The following ADAMTSL4 variants were observed in gnomAD, a reference collection of about 807,000 sequenced individuals.
ADAMTSL4 encodes the protein ADAMTS-like protein 4.
A neutral mutation model predicts 122.8 loss-of-function variants in ADAMTSL4; 97 were observed. That is an observed-to-expected ratio of 0.79 (90% CI 0.67 to 0.93). The LOEUF (loss-of-function observed/expected upper bound fraction) is 0.93. Ranked by LOEUF, ADAMTSL4 falls within the 40% of genes least tolerant of loss-of-function variation. The pLI, the probability that ADAMTSL4 is intolerant of heterozygous loss-of-function variation, is 0.00. For synonymous variants in ADAMTSL4, 592 were observed against 568.0 expected, an observed-to-expected ratio of 1.04 and a Z score of -0.60; for missense variants, 1,408 against 1,453.5, an observed-to-expected ratio of 0.97 and a Z score of 0.51.
chr1:150,553,217 G>A lies in ADAMTSL4; in HGVS notation c.398G>A (p.Gly133Glu), dbSNP rs1671619155. 1 of 1,608,282 alleles carries A rather than the reference G, an allele frequency of 6.2e-7. No individual in the cohort carries two copies. The highest frequency in any genetic ancestry group is 1.3e-5 in the African/African-American group (1 of 74,854). ...CTTCGAGGTCCCGCTTCCCACCTAGGGAGAGAGGAGACCCAGGAGATTCGA... is the reference window on the plus strand; with the variant it reads ...CTTCGAGGTCCCGCTTCCCACCTAGAGAGAGAGGAGACCCAGGAGATTCGA... ...GPLRGPASHLGREETQEIRAA... is the reference protein window; with the variant it reads ...GPLRGPASHLEREETQEIRAA... The change falls in exon 5 of 19, where the codon GGG becomes GAG. Residue 133 changes from glycine (G) to glutamate (E), a missense_variant. By Grantham distance (98) the Gly-to-Glu change is moderately conservative. Transcript: ENST00000271643.
chr1:150,558,813 G>A (rs587654159), intron 15 of ADAMTSL4, 149 bp from the exon 16 acceptor site: 93 of 1,541,598 alleles, frequency 6.0e-5, no homozygotes, highest in African/African-American at 2.5e-4. Flanking sequence ...TGAGGGGCCC[G>A]GCTAGGATTC....
chr1:150,553,910 C>G lies in ADAMTSL4; in HGVS notation c.919C>G (p.Arg307Gly). ...CCCTGATCCTTTTCCTTCGGTCCCT[C>G]GGGGCCGAGGCCAGCAGGGCCAAGG... ...RRPDPFPSVP[R>G]GRGQQGQGPW... is the part of the protein sequence containing the mutation. The change falls in exon 6 of 19, where the codon CGG becomes GGG. Residue 307 changes from arginine (R) to glycine (G), a missense_variant. Transcript: ENST00000271643. 1 of 1,612,292 alleles carries G rather than the reference C, an allele frequency of 6.2e-7. No homozygotes were observed. Among genetic ancestry groups the G allele is most frequent in the Non-Finnish European group, 8.5e-7 (1 of 1,179,398 alleles).
chr1:150,552,060 A>G lies in ADAMTSL4; in HGVS notation c.-84-145A>G. 1.7e-6 allele frequency: 1 copy of G among 591,210 alleles called. No homozygotes were observed. The highest frequency in any genetic ancestry group is 3.0e-6 in the Non-Finnish European group (1 of 329,452). 36.6% of individuals were successfully genotyped at this position (591,210 alleles called of 1,614,324 possible). A position where few individuals can be genotyped will look rare whatever the true frequency, so the allele number is the denominator to read the frequency against. The stretch of plus-strand genomic sequence containing the variant: ...ACCATGTAGCCTCTACAGATGGACA[A>G]GGCAGTGATCCTCCCTGCTCCCACC... On this transcript the variant is annotated intron_variant, in intron 2 of 18. Transcript: ENST00000271643. The surrounding 1 kb of genome is among the most constrained non-coding windows in gnomAD (Gnocchi z 4.0).
rs1265215798 is a variant in ADAMTSL4 at position 150,559,015 on chromosome 1, G to C, written c.2613G>C (p.Gly871=). 6.2e-7 allele frequency: 1 copy of C among 1,611,954 alleles called. No individual in the cohort carries two copies. Reference sequence around the variant, plus strand: ...AGCGGCGCTCTGTGGTCTGCCTTGGGAGTGGGGCAGCCCTCGGGCCAGGCC... The same window carrying C: ...AGCGGCGCTCTGTGGTCTGCCTTGGCAGTGGGGCAGCCCTCGGGCCAGGCC... ...GIQRRSVVCL[G]SGAALGPGQG... The change falls in exon 16 of 19, where the codon GGG becomes GGC. Residue 871 remains glycine (G), a synonymous_variant. Coordinates refer to ENST00000271643, the MANE Select transcript of ADAMTSL4 (RefSeq NM_019032.6). This position sits in a 1 kb window ranked among gnomAD's most constrained non-coding sequence, Gnocchi z 4.1.
rs1570934834 is a variant in ADAMTSL4 at position 150,554,664 on chromosome 1, G to C, written c.1234+197G>C. 1 of 1,535,840 alleles carries C rather than the reference G, an allele frequency of 6.5e-7. No homozygotes were observed. Among genetic ancestry groups the C allele is most frequent in the African/African-American group, 1.4e-5 (1 of 72,426 alleles). On this transcript the variant is annotated intron_variant, in intron 7 of 18. Coordinates refer to ENST00000271643, the MANE Select transcript of ADAMTSL4 (RefSeq NM_019032.6). The surrounding 1 kb of genome is among the most constrained non-coding windows in gnomAD (Gnocchi z 4.0). ...GTGGTCTGCAGAAGGGTCGGGGTGGGAGGAGGAGGTGTGGGAGACACGCTT... is the reference window on the plus strand; with the variant it reads ...GTGGTCTGCAGAAGGGTCGGGGTGGCAGGAGGAGGTGTGGGAGACACGCTT...
In ADAMTSL4 at chr1:150,554,315, T is replaced by C. The variant is rs752928902; in HGVS notation, c.1132-50T>C. On this transcript the variant is annotated intron_variant, in intron 6 of 18. Transcript: ENST00000271643. The surrounding 1 kb of genome is among the most constrained non-coding windows in gnomAD (Gnocchi z 4.0). ...TGCTCCCCAGGTTCAGCCCTGCCCC[T>C]ACCCTCATTTTGCTCCCCAGCTCTG... The C allele has an allele frequency of 5.7e-6, 9 of 1,574,406 alleles. 1 individual carries two copies. In the South Asian group the frequency reaches 1.0e-4, roughly 17 times the overall value.
rs767301107 is a variant in ADAMTSL4, at chr1:150,559,876, G to A, written c.3059G>A (p.Cys1020Tyr). ...CTGCGGCCCTCCAGGAAGCGCCCCT[G>A]TAACAGCCAACCCTGCAGCCAGCGC... ...PQLRPSRKRP[C>Y]NSQPCSQRPD... Residue 1020 changes from cysteine to tyrosine, a missense_variant, in exon 18 of 19, where the codon TGT becomes TAT. Transcript: ENST00000271643. This position sits in a 1 kb window ranked among gnomAD's most constrained non-coding sequence, Gnocchi z 4.1. The A allele has an allele frequency of 1.2e-5, 19 of 1,613,964 alleles. No individual in the cohort carries two copies. Among genetic ancestry groups the A allele is most frequent in the South Asian group, 5.5e-5 (5 of 91,084 alleles).
rs79229388 is a variant in ADAMTSL4, at chr1:150,556,514, G to A, written c.1577-107G>A. On this transcript the variant is annotated intron_variant, in intron 9 of 18. Transcript: ENST00000271643. This position sits in a 1 kb window ranked among gnomAD's most constrained non-coding sequence, Gnocchi z 4.1. ...GAGTGAGGAAGCTGAGAGGGCTTGG[G>A]GGGATCTTAGGTTCTGGTGGGAGCT... is the stretch of plus-strand genomic sequence containing the variant. 4.4e-4 allele frequency: 701 copies of A among 1,576,762 alleles called. 2 individuals are homozygous for A. The African/African-American group carries it at 7.8e-3, about 17-fold the overall frequency.
chr1:150,553,161 C>T lies in ADAMTSL4; in HGVS notation c.342C>T (p.Tyr114=). The T allele has an allele frequency of 8.7e-6, 14 of 1,612,468 alleles. No individual in the cohort carries two copies. Among genetic ancestry groups the T allele is most frequent in the Non-Finnish European group, 1.2e-5 (14 of 1,179,352 alleles). Residue 114 remains tyrosine, a synonymous_variant, in exon 5 of 19, where the codon TAC becomes TAT. Coordinates refer to ENST00000271643, the MANE Select transcript of ADAMTSL4 (RefSeq NM_019032.6). Reference sequence around the variant, plus strand: ...CTTCTCCAGAAACCCTCCCCTTGTACAGGACACAGTCTCGGGGAAGGGGTG... The same window carrying T: ...CTTCTCCAGAAACCCTCCCCTTGTATAGGACACAGTCTCGGGGAAGGGGTG... The part of the protein sequence containing the change: ...PQTSPETLPL[Y]RTQSRGRGGP...
At position 150,557,603 on chromosome 1, in the gene ADAMTSL4, C is replaced by T. The variant is rs752716704; in HGVS notation, c.2157C>T (p.His719=). The part of the protein sequence containing the change: ...ARPPASPEPC[H]GTPCPPYWEA... ...CCCCAGCCTCCCCTGAACCCTGCCA[C>T]GGCACCCCATGCCCCCCATAGTGAG... Residue 719 remains histidine (H), a synonymous_variant, in exon 13 of 19, where the codon CAC becomes CAT. Transcript: ENST00000271643. 133 of 1,601,396 alleles carry T rather than the reference C, an allele frequency of 8.3e-5. No homozygotes were observed. The highest frequency in any genetic ancestry group is 4.9e-4 in the Middle Eastern group (3 of 6,070).
In ADAMTSL4 at chr1:150,558,578, C is replaced by T. The variant is rs1488547341; in HGVS notation, c.2488C>T (p.Pro830Ser). 15 of 1,612,236 alleles carry T rather than the reference C, an allele frequency of 9.3e-6. No homozygotes were observed. Among genetic ancestry groups the T allele is most frequent in the Non-Finnish European group, 1.1e-5 (13 of 1,178,732 alleles). The change falls in exon 15 of 19, where the codon CCC becomes TCC. Residue 830 changes from proline to serine, a missense_variant. Physicochemically the swap from Pro to Ser is moderately conservative, Grantham distance 74. Transcript: ENST00000271643. ...EQECASGPPQPPSREACDMGP... is the reference protein window; with the variant it reads ...EQECASGPPQSPSREACDMGP... The stretch of plus-strand genomic sequence containing the variant: ...GGAGTGTGCGTCAGGCCCCCCGCAG[C>T]CCCCCAGCAGAGAGGCCTGTGACAT...
chr1:150,558,961 G>A lies in ADAMTSL4; in HGVS notation c.2560-1G>A, dbSNP rs1251354453. 6.2e-7 allele frequency: 1 copy of A among 1,605,544 alleles called. No homozygotes were observed. The highest frequency in any genetic ancestry group is 8.5e-7 in the Non-Finnish European group (1 of 1,177,796). On this transcript the variant is annotated splice_acceptor_variant, in intron 15 of 18. Transcript: ENST00000271643. LOFTEE classifies it high-confidence loss of function. ...ACACAGGCCGCTCTCCTCCTCCGCA[G>A]TGCTCAGCCGAGTGTGGGACGGGAA... is the stretch of plus-strand genomic sequence containing the variant.
In ADAMTSL4 at chr1:150,555,649, ATATG is replaced by A. The variant is rs1027798731; in HGVS notation, c.1371+89_1371+92del. 19 of 1,576,174 alleles carry A rather than the reference ATATG, an allele frequency of 1.2e-5. No individual in the cohort carries two copies. The African/African-American group carries it at 1.8e-4, about 15-fold the overall frequency. ...CCCATATGCATACACATGTACACAC[ATATG>A]TATGAACACATGCACACATGCAAGC... On this transcript the variant is annotated intron_variant, in intron 8 of 18. Coordinates refer to ENST00000271643, the MANE Select transcript of ADAMTSL4 (RefSeq NM_019032.6).
Position 150,553,867 on chromosome 1 carries a change from C to G in ADAMTSL4, c.876C>G (p.Pro292=). Residue 292 remains proline, a synonymous_variant, in exon 6 of 19, where the codon CCC becomes CCG. Transcript: ENST00000271643. The stretch of plus-strand genomic sequence containing the variant: ...CAAGTTCCCAGGGTTGGGCCAGTCC[C>G]CAGGTAGCAGGGAGACGCCCTGATC... ...RRPSSQGWAS[P]QVAGRRPDPF... The G allele has an allele frequency of 6.2e-7, 1 of 1,614,078 alleles. No homozygotes were observed. Among genetic ancestry groups the G allele is most frequent in the Non-Finnish European group, 8.5e-7 (1 of 1,180,008 alleles).
rs1384202379 is a variant in ADAMTSL4, at chr1:150,555,409, C to T, written c.1235-20C>T. On this transcript the variant is annotated intron_variant, in intron 7 of 18. Coordinates refer to ENST00000271643, the MANE Select transcript of ADAMTSL4 (RefSeq NM_019032.6). ...TCCCACCAGGGAGCCCACTAACCAC[C>T]CTTCTACCCTGTCCCTTAGTCCAGG... The T allele has an allele frequency of 6.2e-7, 1 of 1,613,834 alleles. No homozygotes were observed. Among genetic ancestry groups the T allele is most frequent in the South Asian group, 1.1e-5 (1 of 91,066 alleles).
chr1:150,555,557 C>G lies in ADAMTSL4; in HGVS notation c.1363C>G (p.Arg455Gly). The change falls in exon 8 of 19, where the codon CGC (arginine) becomes GGC (glycine). Residue 455 changes from arginine to glycine, a missense_variant. Physicochemically the swap from Arg to Gly is moderately radical, Grantham distance 125. Coordinates refer to ENST00000271643, the MANE Select transcript of ADAMTSL4 (RefSeq NM_019032.6). ...PGAPDICVAG[R>G]CLSPGCDGIL... ...AGCCCCTGACATCTGTGTGGCTGGA[C>G]GCTGTCTGGTGAGGGAAGACAGTGT... 6.2e-7 allele frequency: 1 copy of G among 1,614,096 alleles called. No individual in the cohort carries two copies. The highest frequency in any genetic ancestry group is 8.5e-7 in the Non-Finnish European group (1 of 1,180,034).
intron 13 of ADAMTSL4, 144 bp downstream of exon 13, chr1:150,557,767 A>G: frequency 8.3e-6 from 11 of 1,329,648 alleles, no homozygotes; most frequent in Non-Finnish European, 1.0e-5. Context: ...GACATTCGGT[A>G]GGCAGCAAGA....
chr1:150,550,798 G>A, intron 2 of ADAMTSL4: 1 of 456,624 alleles, frequency 2.2e-6, no homozygotes, highest in South Asian at 1.5e-5. Context: ...CGCCCGCTCT[G>A]GCTCAGCCAC....
Position 150,558,581 on chromosome 1 carries a change from C to T in ADAMTSL4, c.2491C>T (p.Pro831Ser), listed in dbSNP as rs759874921. The change falls in exon 15 of 19, where the codon CCC becomes TCC. Residue 831 changes from proline to serine, a missense_variant. Coordinates refer to ENST00000271643, the MANE Select transcript of ADAMTSL4 (RefSeq NM_019032.6). ...QECASGPPQP[P>S]SREACDMGPC... ...GTGTGCGTCAGGCCCCCCGCAGCCC[C>T]CCAGCAGAGAGGCCTGTGACATGGG... 8.7e-6 allele frequency: 14 copies of T among 1,613,694 alleles called. No homozygotes were observed. In the African/African-American group the frequency reaches 1.2e-4, roughly 14 times the overall value.
Sources: gnomAD v4.1 joint callset for allele counts on GRCh38, gnomAD v4.1.1 for gene constraint, Gnocchi (gnomAD v3.1) non-coding constraint, MANE v1.5 for transcripts, NCBI Gene and HGNC (gene_info 2026-07-23, HGNC 2026-07-21) for gene names.